The following MROH1 variants were observed in gnomAD, a reference collection of about 807,000 sequenced individuals.
MROH1 encodes maestro heat-like repeat-containing protein family member 1.
MROH1 carries 117 observed loss-of-function variants against 116.5 expected under a neutral mutation model. The ratio of observed to expected loss-of-function variants is 1.00; its 90% CI spans 0.86 to 1.17. MROH1 has a LOEUF of 1.17. MROH1 is among the 50% of genes most tolerant of loss of function. The pLI is 0.00. For synonymous variants in MROH1, 921 were observed against 583.9 expected, an observed-to-expected ratio of 1.58 and a Z score of -8.32; for missense variants, 1,873 against 1,338.5, an observed-to-expected ratio of 1.40 and a Z score of -6.23.
chr8:144,148,498 C>A (rs1815949716), intron 1 of MROH1: 1 of 152,294 alleles, frequency 6.6e-6, no homozygotes, highest in Non-Finnish European at 1.5e-5. Flanking sequence ...CCCTTCTCCC[C>A]CCAGGCGGGG....
chr8:144,156,708 CAAAAAAAAA>C (rs1176108997), intron 1 of MROH1, among the ~76,000 whole-genome samples: 4 of 56,134 alleles, frequency 7.1e-5, no homozygotes, highest in African/African-American at 1.9e-4. Flanking sequence ...GACTCTGTCT[CAAAAAAAAA>C]AAAAAAAAAA....
chr8:144,244,688 C>G, intron 28 of MROH1, 149 bp downstream of exon 28: 1 of 661,464 alleles, frequency 1.5e-6, no homozygotes, highest in Non-Finnish European at 2.8e-6. Context: ...GCAGGTGCAC[C>G]CCCTCCCATC....
chr8:144,171,525 G>A (rs1822445858), intron 4 of MROH1, among the ~76,000 whole-genome samples: 1 of 152,196 alleles, frequency 6.6e-6, no homozygotes, highest in Admixed American at 6.6e-5. Flanking sequence ...TACCAGCCAA[G>A]TGTTTCTAGA....
chr8:144,198,566 C>T (rs1005383229), intron 10 of MROH1, among the ~76,000 whole-genome samples: 1 of 152,168 alleles, frequency 6.6e-6, no homozygotes, highest in Non-Finnish European at 1.5e-5. Context: ...CACAGGCATG[C>T]ACCACCATGC....
intron 1 of MROH1, among the ~76,000 whole-genome samples, chr8:144,152,923 T>C (rs1371979565): frequency 2.6e-5 from 4 of 152,202 alleles, no homozygotes; most frequent in Admixed American, 1.3e-4. Context: ...TATATCACGT[T>C]GCTGTTAACT....
chr8:144,231,190 A>G (rs1248694340), intron 14 of MROH1, among the ~76,000 whole-genome samples: 1 of 150,970 alleles, frequency 6.6e-6, no homozygotes, highest in Non-Finnish European at 1.5e-5. Flanking sequence ...CAAAATGAAA[A>G]GTCTCCCATG....
intron 4 of MROH1, among the ~76,000 whole-genome samples, chr8:144,170,226 G>T (rs117754034): frequency 6.6e-6 from 1 of 152,224 alleles, no homozygotes; most frequent in Non-Finnish European, 1.5e-5. Context: ...CTGAGCCTCC[G>T]TTCTGGGGTG....
At chr8:144,187,420 A>G (rs1827472153) in intron 7 of MROH1, among the ~76,000 whole-genome samples, 2 of 152,176 alleles carry the variant, frequency 1.3e-5, no homozygotes, top group African/African-American at 4.8e-5. Flanking sequence ...AAAAAAAAGA[A>G]AAAAAACCAA....
At chr8:144,245,385 C>T in intron 29 of MROH1, 125 bp downstream of exon 29, 1 of 675,558 alleles carries the variant, frequency 1.5e-6, no homozygotes, top group Admixed American at 2.1e-5. Context: ...TTCCTTGAGA[C>T]CTGGATTGAG....
At chr8:144,155,292 C>G (rs1671603229) in intron 1 of MROH1, among the ~76,000 whole-genome samples, 1 of 152,122 alleles carries the variant, frequency 6.6e-6, no homozygotes, top group South Asian at 2.1e-4. Flanking sequence ...TTTTTCTTGA[C>G]TGCAGATGGC....
intron 36 of MROH1, 84 bp downstream of exon 36, chr8:144,258,998 GGGCCCATGCGTGTCA>G: frequency 1.5e-6 from 1 of 649,976 alleles, no homozygotes. Flanking sequence ...GATCAGGCGG[GGGCCCATGCGTGTCA>G]GGCCAATGGT....
intron 12 of MROH1, among the ~76,000 whole-genome samples, chr8:144,211,819 A>G (rs112996909): frequency 0.019 from 2,847 of 152,046 alleles, 39 homozygotes; most frequent in Middle Eastern, 0.044. Flanking sequence ...TTGGTTTCCT[A>G]TCACCCTCCA....
At position 144,180,238 on chromosome 8, in the gene MROH1, T is replaced by A. The variant is rs781108682; in HGVS notation, c.361T>A (p.Phe121Ile). Residue 121 changes from phenylalanine to isoleucine, a missense_variant, in exon 6 of 44, where the codon TTC becomes ATC. Coordinates refer to ENST00000326134, the MANE Select transcript of MROH1 (RefSeq NM_032450.3). This position sits in a 1 kb window ranked among gnomAD's most constrained non-coding sequence, Gnocchi z 7.4. ...SGVLVAVGRQFISKVMEELLR... is the reference protein window; with the variant it reads ...SGVLVAVGRQIISKVMEELLR... ...CGTCCTGGTGGCCGTGGGAAGACAGTTCATCAGCAAGGTGATGGAGGAGCT... is the reference window on the plus strand; with the variant it reads ...CGTCCTGGTGGCCGTGGGAAGACAGATCATCAGCAAGGTGATGGAGGAGCT... 3 of 1,613,282 alleles carry A rather than the reference T, an allele frequency of 1.9e-6. No individual in the cohort carries two copies. The highest frequency in any genetic ancestry group is 1.3e-5 in the African/African-American group (1 of 74,964).
Position 144,200,696 on chromosome 8 carries a change from T to C in MROH1, c.1141+155T>C, listed in dbSNP as rs920181929. The C allele has an allele frequency of 9.5e-6, 6 of 633,920 alleles. No individual in the cohort carries two copies. In the East Asian group the frequency reaches 1.4e-4, roughly 15 times the overall value. 39.3% of individuals were successfully genotyped at this position (633,920 alleles called of 1,614,324 possible). ...TACTATTTTGCAAAATTCTAAACTTTTTGAAAAGTTGCAAGGGTGGTACCT... is the reference window on the plus strand; with the variant it reads ...TACTATTTTGCAAAATTCTAAACTTCTTGAAAAGTTGCAAGGGTGGTACCT... On this transcript the variant is annotated intron_variant, in intron 12 of 43. Transcript: ENST00000326134.
At chr8:144,235,292 AT>A (rs1369061321) in intron 14 of MROH1, among the ~76,000 whole-genome samples, 2 of 152,198 alleles carry the variant, frequency 1.3e-5, no homozygotes, top group Non-Finnish European at 2.9e-5. Context: ...TTCTATAAGG[AT>A]TGTGTCATCT....
At chr8:144,154,212 G>A (rs1270676089) in intron 1 of MROH1, among the ~76,000 whole-genome samples, 4 of 151,956 alleles carry the variant, frequency 2.6e-5, no homozygotes, top group Non-Finnish European at 4.4e-5. Flanking sequence ...TTACAGGCAC[G>A]TGCCACCACG....
rs1183717176 is a variant in MROH1 at position 144,256,042 on chromosome 8, C to T, written c.3791+337C>T. ...TCCTGGGAGTGGAGTTGTGTGGAGT[C>T]TTTGGGGTATAGGCTGGGGTCAACC... On this transcript the variant is annotated intron_variant, in intron 35 of 43. Transcript: ENST00000326134. Among the ~76,000 whole-genome samples the T allele has an allele frequency of 2.6e-5, 4 of 152,180 alleles. No individual in the cohort carries two copies. In the East Asian group the frequency reaches 7.7e-4, roughly 29 times the overall value.
chr8:144,244,097 GC>G, intron 26 of MROH1, 124 bp from the exon 27 acceptor site: 1 of 698,978 alleles, frequency 1.4e-6, no homozygotes, highest in Non-Finnish European at 2.6e-6. Context: ...TGCATGGGGT[GC>G]CGCCATGGTC....
chr8:144,259,235 C>G lies in MROH1; in HGVS notation c.3930-5C>G, dbSNP rs1273576923. 9.8e-6 allele frequency: 7 copies of G among 713,182 alleles called. No individual in the cohort carries two copies. The allele number at this position is 713,182 out of a possible 1,614,324, so 44.2% of individuals were successfully genotyped here. On this transcript the variant is annotated splice_polypyrimidine_tract_variant and splice_region_variant and intron_variant, in intron 36 of 43. Transcript: ENST00000326134. ...CCCTGCACCCTCAGCGGCCCCCTTT[C>G]CCAGGGCCATGGCTGAGCACGCAGG...
Sources: gnomAD v4.1 joint callset for allele counts (sites outside exome capture counted in the v4.1 genomes callset) on GRCh38, gnomAD v4.1.1 for gene constraint, Gnocchi (gnomAD v3.1) non-coding constraint, MANE v1.5 for transcripts, NCBI Gene and HGNC (gene_info 2026-07-23, HGNC 2026-07-21) for gene names.